The following ZNF385D variants were observed in gnomAD, a reference collection of about 807,000 sequenced individuals.
The protein encoded by ZNF385D is zinc finger protein 385D.
ZNF385D carries 15 observed loss-of-function variants against 35.8 expected under a neutral mutation model. The ratio of observed to expected loss-of-function variants is 0.42; its 90% CI spans 0.28 to 0.64. ZNF385D has a LOEUF of 0.64. ZNF385D is among the 30% of genes least tolerant of loss of function. The pLI, the probability that ZNF385D is intolerant of heterozygous loss-of-function variation, is 0.23. For missense variants in ZNF385D, 474 were observed against 494.6 expected, an observed-to-expected ratio of 0.96 and a Z score of 0.39; for synonymous variants, 212 against 186.8, an observed-to-expected ratio of 1.13 and a Z score of -1.10.
intron 2 of ZNF385D, among the ~76,000 whole-genome samples, chr3:22,200,483 G>A (rs1333606582): frequency 3.3e-5 from 5 of 152,016 alleles, no homozygotes; most frequent in Admixed American, 1.3e-4. Flanking sequence ...CAAGGTAATA[G>A]AATATCACAA....
chr3:21,424,299 A>G (rs60026086), intron 6 of ZNF385D, among the ~76,000 whole-genome samples: 1 of 80,214 alleles, frequency 1.2e-5, no homozygotes, highest in Non-Finnish European at 2.3e-5. Flanking sequence ...ATATATATAT[A>G]TTTATATATA....
upstream of ZNF385D, among the ~76,000 whole-genome samples, chr3:21,754,300 T>C (rs1393672847): frequency 6.6e-6 from 1 of 152,178 alleles, no homozygotes; most frequent in East Asian, 1.9e-4. Flanking sequence ...ACTTAGCAGC[T>C]TCTAGGGAAG....
At chr3:22,228,302 T>C (rs1006660597) in intron 2 of ZNF385D, among the ~76,000 whole-genome samples, 4 of 152,160 alleles carry the variant, frequency 2.6e-5, no homozygotes, top group Admixed American at 2.6e-4. Context: ...GCAGTGGCCA[T>C]AGCACTGCCA....
At chr3:22,280,736 T>G (rs561730211) in intron 2 of ZNF385D, among the ~76,000 whole-genome samples, 1 of 152,240 alleles carries the variant, frequency 6.6e-6, no homozygotes, top group East Asian at 1.9e-4. Flanking sequence ...TAGTCTTGCT[T>G]TAGCTATGCA....
At chr3:22,078,278 AT>A (rs1270237131) in intron 3 of ZNF385D, among the ~76,000 whole-genome samples, 4 of 152,062 alleles carry the variant, frequency 2.6e-5, no homozygotes, top group Non-Finnish European at 5.9e-5. Flanking sequence ...TGAGAAAAAA[AT>A]ATGTTGACAA....
At chr3:21,843,226 T>C (rs1324944888) in intron 3 of ZNF385D, among the ~76,000 whole-genome samples, 1 of 151,816 alleles carries the variant, frequency 6.6e-6, no homozygotes, top group Non-Finnish European at 1.5e-5. Flanking sequence ...AACTTTTGGG[T>C]TGGGGAAAAA....
At chr3:22,081,459 A>G (rs115645707) in intron 3 of ZNF385D, among the ~76,000 whole-genome samples, 295 of 152,356 alleles carry the variant, frequency 1.9e-3, no homozygotes, top group African/African-American at 6.8e-3. Flanking sequence ...GAACTATGAA[A>G]TAATGTAAAA....
chr3:21,952,941 A>T (rs899503134), intron 3 of ZNF385D, among the ~76,000 whole-genome samples: 1 of 152,022 alleles, frequency 6.6e-6, no homozygotes, highest in African/African-American at 2.4e-5. Flanking sequence ...CAGACTTTCA[A>T]AGAGGTTTCC....
intron 4 of ZNF385D, among the ~76,000 whole-genome samples, chr3:21,463,080 CTTAAAATA>C (rs1463977753): frequency 6.6e-6 from 1 of 151,858 alleles, no homozygotes; most frequent in Non-Finnish European, 1.5e-5. Flanking sequence ...GAAATACAGA[CTTAAAATA>C]TTTTTTAAAG....
chr3:21,736,320 T>TA (rs1477286937), intron 1 of ZNF385D, among the ~76,000 whole-genome samples: 4 of 152,232 alleles, frequency 2.6e-5, no homozygotes, highest in South Asian at 4.1e-4. Flanking sequence ...ATGCTATAGA[T>TA]ACTCCAGTTT....
At chr3:21,791,860 G>C (rs9817512) in intron 3 of ZNF385D, among the ~76,000 whole-genome samples, 2 of 151,938 alleles carry the variant, frequency 1.3e-5, no homozygotes, top group East Asian at 1.9e-4. Flanking sequence ...TCAGCCTCCC[G>C]AGTAGCTGGG....
chr3:21,785,918 T>A (rs1447079910), intron 3 of ZNF385D, among the ~76,000 whole-genome samples: 2 of 152,128 alleles, frequency 1.3e-5, no homozygotes, highest in Non-Finnish European at 2.9e-5. Flanking sequence ...TTCATTTCCA[T>A]AGAGGCTGCA....
chr3:21,754,727 C>T (rs1036909819), upstream of ZNF385D, among the ~76,000 whole-genome samples: 5 of 151,950 alleles, frequency 3.3e-5, no homozygotes, highest in South Asian at 2.1e-4. Flanking sequence ...CTATTTTAGA[C>T]GTCTGTTTAT....
chr3:21,484,980 G>C (rs912122481), intron 4 of ZNF385D, among the ~76,000 whole-genome samples: 1 of 152,108 alleles, frequency 6.6e-6, no homozygotes, highest in African/African-American at 2.4e-5. Context: ...CATCCTGTAA[G>C]TCTTGAGGCT....
intron 3 of ZNF385D, among the ~76,000 whole-genome samples, chr3:22,144,677 A>ATAG (rs1172008904): frequency 1.3e-5 from 2 of 151,926 alleles, no homozygotes; most frequent in Non-Finnish European, 2.9e-5. Context: ...GATATCACCA[A>ATAG]TAGTACATAG....
At chr3:21,778,580 T>C (rs534437675) in intron 3 of ZNF385D, among the ~76,000 whole-genome samples, 59 of 151,824 alleles carry the variant, frequency 3.9e-4, no homozygotes, top group Middle Eastern at 3.4e-3. Flanking sequence ...AAATCTACAA[T>C]CAGAAATATA....
rs561262684 is a variant in ZNF385D at position 21,652,223 on chromosome 3, G to A, written c.165+12663C>T. On this transcript the variant is annotated intron_variant, in intron 2 of 7. Transcript: ENST00000281523. ...TTCAGTCACTTCTACATAGTAGAAAGTTACAAGAATCAATGCATCAACCTT... is the reference window on the plus strand; with the variant it reads ...TTCAGTCACTTCTACATAGTAGAAAATTACAAGAATCAATGCATCAACCTT... 1.2e-4 allele frequency among the ~76,000 whole-genome samples: 18 copies of A among 152,214 alleles called. No homozygotes were observed. In the South Asian group the frequency reaches 3.7e-3, roughly 32 times the overall value.
At position 21,595,689 on chromosome 3, in the gene ZNF385D, CACTT is replaced by C. The variant is rs556258718; in HGVS notation, c.166-31009_166-31006del. Among the ~76,000 whole-genome samples the C allele has an allele frequency of 9.9e-4, 151 of 152,134 alleles. 2 individuals carry two copies. Among genetic ancestry groups the C allele is most frequent in the Non-Finnish European group, 1.3e-3 (90 of 67,988 alleles). On this transcript the variant is annotated intron_variant, in intron 2 of 7. Coordinates refer to ENST00000281523, the MANE Select transcript of ZNF385D (RefSeq NM_024697.3). ...TTCAATGTGATCTAGCCAAGGGTAG[CACTT>C]ACTATCATGGAATACATTGTTTTCA...
At chr3:22,166,180 C>A (rs1706315745) in intron 3 of ZNF385D, among the ~76,000 whole-genome samples, 1 of 126,850 alleles carries the variant, frequency 7.9e-6, no homozygotes, top group African/African-American at 2.5e-5. Flanking sequence ...TTTTCGTGGC[C>A]TACATCATGT....
Sources: allele counts gnomAD v4.1 joint callset (sites outside exome capture counted in the v4.1 genomes callset), GRCh38; gene constraint gnomAD v4.1.1; transcripts MANE v1.5; gene names NCBI Gene and HGNC (gene_info 2026-07-23, HGNC 2026-07-21).